The following PTPRN2 variants were observed in gnomAD, a reference collection of about 807,000 sequenced individuals.
PTPRN2 encodes receptor-type tyrosine-protein phosphatase N2.
PTPRN2 carries 74 observed loss-of-function variants against 118.8 expected under a neutral mutation model. The observed-to-expected ratio is 0.62, with a 90% confidence interval of 0.52 to 0.76. The LOEUF is 0.76. Among genes scored for constraint, PTPRN2 ranks in the 30% least tolerant of loss-of-function variants. The probability of loss-of-function intolerance (pLI) is 0.00; values close to 1 mark genes in which losing one functional copy is unlikely to be tolerated. For synonymous variants in PTPRN2, 641 were observed against 608.0 expected, an observed-to-expected ratio of 1.05 and a Z score of -0.80; for missense variants, 1,481 against 1,394.4, an observed-to-expected ratio of 1.06 and a Z score of -0.99.
In PTPRN2 at chr7:157,773,342, A is replaced by G. The variant is rs535568827; in HGVS notation, c.1789-90405T>C. Among the ~76,000 whole-genome samples, 27 of 152,262 alleles carry G rather than the reference A, an allele frequency of 1.8e-4. No homozygotes were observed. In the South Asian group the frequency reaches 5.6e-3, roughly 32 times the overall value. On this transcript the variant is annotated intron_variant, in intron 12 of 22. Transcript: ENST00000389418. ...AGTGGGAGTCATGCCTAGAAAACAA[A>G]CAGGAGAGAGGCGGCTCCCAACCTC...
chr7:157,567,463 G>A (rs1799545656), intron 21 of PTPRN2, among the ~76,000 whole-genome samples: 1 of 152,152 alleles, frequency 6.6e-6, no homozygotes, highest in African/African-American at 2.4e-5. Context: ...CAGGACGCTG[G>A]AGAACTTGCC....
intron 11 of PTPRN2, among the ~76,000 whole-genome samples, chr7:157,973,175 G>T (rs538215515): frequency 6.6e-6 from 1 of 152,328 alleles, no homozygotes; most frequent in East Asian, 1.9e-4. Context: ...GCAGCAGTGG[G>T]TGGGAGGAGG....
rs369318747 is a variant in PTPRN2 at position 157,576,604 on chromosome 7, G to A, written c.2783+9C>T. ...GCGCACTGCCCTGCCGGCGGGCCGC[G>A]CGTCATACCTGCGGAAGTCCAGGAG... On this transcript the variant is annotated intron_variant, in intron 19 of 22. Transcript: ENST00000389418. 3 of 1,602,468 alleles carry A rather than the reference G, an allele frequency of 1.9e-6. No individual in the cohort carries two copies. The African/African-American group carries it at 4.0e-5, about 21-fold the overall frequency.
chr7:157,941,324 CT>C, intron 11 of PTPRN2, among the ~76,000 whole-genome samples: 1 of 105,664 alleles, frequency 9.5e-6, no homozygotes, highest in African/African-American at 5.5e-5. Context: ...ATCTAACACC[CT>C]CCCCACCACG....
At chr7:158,183,739 C>T (rs1000421127) in intron 5 of PTPRN2, among the ~76,000 whole-genome samples, 2 of 152,252 alleles carry the variant, frequency 1.3e-5, no homozygotes, top group African/African-American at 4.8e-5. Flanking sequence ...GGCAGTGTCT[C>T]CCCCTCACAC....
At chr7:158,276,351 G>T (rs1337763495) in intron 3 of PTPRN2, among the ~76,000 whole-genome samples, 2 of 29,632 alleles carry the variant, frequency 6.7e-5, no homozygotes, top group Non-Finnish European at 1.6e-4. Context: ...GGCCCCGACA[G>T]GCTGTAAGGC....
intron 3 of PTPRN2, among the ~76,000 whole-genome samples, chr7:158,274,422 G>A (rs568666644): frequency 1.2e-3 from 145 of 120,462 alleles, no homozygotes; most frequent in African/African-American, 4.2e-3. Flanking sequence ...AGGGGGAGCC[G>A]CAGACAGACA....
intron 15 of PTPRN2, among the ~76,000 whole-genome samples, chr7:157,612,297 G>C (rs1305076958): frequency 6.6e-6 from 1 of 152,234 alleles, no homozygotes; most frequent in Non-Finnish European, 1.5e-5. Flanking sequence ...CAGGAGCACA[G>C]ATATCAGACA....
At chr7:158,248,985 T>C (rs1466206892) in intron 3 of PTPRN2, among the ~76,000 whole-genome samples, 1 of 143,898 alleles carries the variant, frequency 6.9e-6, no homozygotes, top group Non-Finnish European at 1.5e-5. Flanking sequence ...ACACCACACA[T>C]ATGCACACAT....
At chr7:158,473,017 G>A (rs544305447) in intron 2 of PTPRN2, among the ~76,000 whole-genome samples, 4 of 52,970 alleles carry the variant, frequency 7.6e-5, no homozygotes, top group South Asian at 5.2e-4. Flanking sequence ...CCCACGCACC[G>A]AAAGACATGT....
intron 3 of PTPRN2, among the ~76,000 whole-genome samples, chr7:158,240,032 T>C (rs985766672): frequency 5.3e-5 from 8 of 152,124 alleles, no homozygotes; most frequent in African/African-American, 1.9e-4. Flanking sequence ...CCTCTCCTAC[T>C]AGTTAAAGGA....
intron 2 of PTPRN2, among the ~76,000 whole-genome samples, chr7:158,439,276 C>T (rs533334554): frequency 2.6e-5 from 4 of 152,278 alleles, no homozygotes; most frequent in Admixed American, 2.0e-4. Flanking sequence ...CCTCAGCCCC[C>T]GACCACCTCA....
chr7:157,952,389 G>T (rs1003385758), intron 11 of PTPRN2, among the ~76,000 whole-genome samples: 28 of 133,624 alleles, frequency 2.1e-4, no homozygotes, highest in African/African-American at 6.5e-4. Context: ...AGGGTGGGTA[G>T]TGTGCATCCC....
intron 2 of PTPRN2, among the ~76,000 whole-genome samples, chr7:158,395,695 G>T (rs199720498): frequency 1.0e-5 from 1 of 97,368 alleles, no homozygotes. Flanking sequence ...GGCGCGAGGG[G>T]CGAGGGGCGA....
chr7:157,671,834 G>C lies in PTPRN2; in HGVS notation c.2001+10891C>G, dbSNP rs1468344782. ...CTTCCTACCAGACCCCCGAAGGCCAGGGTCTGGGGGCCTGCTGGGAATCCC... is the reference window on the plus strand; with the variant it reads ...CTTCCTACCAGACCCCCGAAGGCCACGGTCTGGGGGCCTGCTGGGAATCCC... On this transcript the variant is annotated intron_variant, in intron 13 of 22. Coordinates refer to ENST00000389418, the MANE Select transcript of PTPRN2 (RefSeq NM_002847.5). This position sits in a 1 kb window ranked among gnomAD's most constrained non-coding sequence, Gnocchi z 4.1. Among the ~76,000 whole-genome samples the C allele has an allele frequency of 6.6e-6, 1 of 152,130 alleles. No individual in the cohort carries two copies. Among genetic ancestry groups the C allele is most frequent in the Non-Finnish European group, 1.5e-5 (1 of 68,028 alleles).
rs143377627 is a variant in PTPRN2, at chr7:157,635,460, G to A, written c.2197-13951C>T. 1.8e-4 allele frequency among the ~76,000 whole-genome samples: 27 copies of A among 152,344 alleles called. No individual in the cohort carries two copies. The East Asian group carries it at 4.1e-3, about 23-fold the overall frequency. On this transcript the variant is annotated intron_variant, in intron 14 of 22. Coordinates refer to ENST00000389418, the MANE Select transcript of PTPRN2 (RefSeq NM_002847.5). ...GGCAGTGCTGCCATGAAGGCGTTTC[G>A]GACAAATGGTTACCAGTGTTTCATG... is the stretch of plus-strand genomic sequence containing the variant.
intron 12 of PTPRN2, among the ~76,000 whole-genome samples, chr7:157,697,845 G>T (rs564245049): frequency 6.7e-6 from 1 of 148,290 alleles, no homozygotes; most frequent in Non-Finnish European, 1.5e-5. Flanking sequence ...ATGCATACTG[G>T]ATCTTGGCAG....
At chr7:158,154,989 G>A (rs1821570853) in intron 6 of PTPRN2, among the ~76,000 whole-genome samples, 4 of 152,198 alleles carry the variant, frequency 2.6e-5, no homozygotes, top group Admixed American at 2.6e-4. Flanking sequence ...AAGGGCGGCA[G>A]CACAGAGCAC....
At chr7:158,477,034 TC>T (rs1348275329) in intron 2 of PTPRN2, among the ~76,000 whole-genome samples, 21 of 152,230 alleles carry the variant, frequency 1.4e-4, no homozygotes, top group African/African-American at 5.1e-4. Flanking sequence ...TTCACATAGT[TC>T]AATTCAGTCA....
Sources: gnomAD v4.1 joint callset for allele counts (sites outside exome capture counted in the v4.1 genomes callset) on GRCh38, gnomAD v4.1.1 for gene constraint, Gnocchi (gnomAD v3.1) non-coding constraint, MANE v1.5 for transcripts, NCBI Gene and HGNC (gene_info 2026-07-23, HGNC 2026-07-21) for gene names.